The following KIAA0586 variants were observed in gnomAD, a reference collection of about 807,000 sequenced individuals.
KIAA0586 encodes KIAA0586, also known as protein TALPID3.
KIAA0586 carries 144 observed loss-of-function variants against 169.8 expected under a neutral mutation model. The observed-to-expected ratio is 0.85, with a 90% confidence interval of 0.74 to 0.97. The LOEUF (loss-of-function observed/expected upper bound fraction) is 0.97, where lower values mean the gene tolerates loss of function less well. Among genes scored for constraint, KIAA0586 ranks in the 50% least tolerant of loss-of-function variants. KIAA0586 has a pLI of 0.00. For missense variants in KIAA0586, 1,854 were observed against 1,823.0 expected (o/e 1.02, Z -0.31); for synonymous variants, 625 against 612.4 (o/e 1.02, Z -0.30).
At chr14:58,481,518 G>A (rs933604105) in intron 20 of KIAA0586, among the ~76,000 whole-genome samples, 3 of 152,134 alleles carry the variant, frequency 2.0e-5, no homozygotes, top group Non-Finnish European at 4.4e-5. Context: ...TTCTTTTGTT[G>A]TAGTCAAGAT....
rs1222178512 is a variant in KIAA0586, at chr14:58,488,843, A to G, written c.3750A>G (p.Leu1250=). The G allele has an allele frequency of 2.5e-6, 4 of 1,613,768 alleles. No homozygotes were observed. The highest frequency in any genetic ancestry group is 1.3e-5 in the African/African-American group (1 of 74,926). ...AACCCATCTCTGAAGGAGAGATTTT[A>G]TTTAGCTGTGGTCAAAAATTGGCCC... ...LDKPISEGEI[L]FSCGQKLAPK... Residue 1250 remains leucine, a synonymous_variant, in exon 24 of 31, where the codon TTA becomes TTG. Transcript: ENST00000652326.
intron 29 of KIAA0586, among the ~76,000 whole-genome samples, chr14:58,513,849 T>A (rs370478271): frequency 3.2e-4 from 49 of 152,162 alleles, no homozygotes; most frequent in African/African-American, 1.2e-3. Flanking sequence ...TTCTTGAGGA[T>A]GTTGTATGTA....
chr14:58,491,473 T>C, intron 25 of KIAA0586, among the ~76,000 whole-genome samples: 1 of 152,218 alleles, frequency 6.6e-6, no homozygotes, highest in Non-Finnish European at 1.5e-5. Flanking sequence ...TAAATACAAA[T>C]ACTTTCAATG....
intron 21 of KIAA0586, among the ~76,000 whole-genome samples, chr14:58,486,782 T>TG (rs990172926): frequency 6.6e-6 from 1 of 152,190 alleles, no homozygotes; most frequent in Admixed American, 6.5e-5. Flanking sequence ...TAAAAGAGGG[T>TG]GCCTTAGAAT....
intron 29 of KIAA0586, chr14:58,521,909 T>A: frequency 7.3e-7 from 1 of 1,376,256 alleles, no homozygotes; most frequent in Non-Finnish European, 1.0e-6. Context: ...GATGACCAGC[T>A]GGAGTTGATC....
At chr14:58,540,197 A>G in intron 30 of KIAA0586, 61 bp downstream of exon 30, 1 of 905,434 alleles carries the variant, frequency 1.1e-6, no homozygotes, top group Admixed American at 2.4e-5. Context: ...TCATTTCCTG[A>G]TGATTCTTTC....
At position 58,521,857 on chromosome 14, in the gene KIAA0586, C is replaced by A. The variant is rs371781528; in HGVS notation, c.4429+9230C>A. 7.6e-6 allele frequency: 8 copies of A among 1,053,580 alleles called. 1 individual carries two copies. The highest frequency in any genetic ancestry group is 2.4e-5 in the East Asian group (1 of 42,044). 65.3% of individuals were successfully genotyped at this position (1,053,580 alleles called of 1,614,324 possible). ...TCGGAGCGGGGTGCAGATGACTTTGCTGAGGAGGACCTACTAGATGATGAT... is the reference window on the plus strand; with the variant it reads ...TCGGAGCGGGGTGCAGATGACTTTGATGAGGAGGACCTACTAGATGATGAT... On this transcript the variant is annotated intron_variant, in intron 29 of 30. Transcript: ENST00000652326.
chr14:58,529,011 G>T (rs995356529), intron 29 of KIAA0586, among the ~76,000 whole-genome samples: 13 of 152,106 alleles, frequency 8.5e-5, no homozygotes, highest in African/African-American at 3.1e-4. Flanking sequence ...AATAAAAAAT[G>T]ATAAAGGGGA....
At chr14:58,459,404 A>C (rs1199535618) in intron 12 of KIAA0586, among the ~76,000 whole-genome samples, 11 of 152,192 alleles carry the variant, frequency 7.2e-5, no homozygotes. Flanking sequence ...ACTCTTTTGC[A>C]ATGAATCCCA....
intron 15 of KIAA0586, 22 bp from the exon 16 acceptor site, chr14:58,467,713 T>G: frequency 6.4e-7 from 1 of 1,566,222 alleles, no homozygotes; most frequent in South Asian, 1.2e-5. Context: ...AGTTGACTTA[T>G]TTTTTCTCCT....
At chr14:58,487,728 A>C (rs999261857) in intron 22 of KIAA0586, among the ~76,000 whole-genome samples, 159 bp from the exon 23 acceptor site, 1 of 152,150 alleles carries the variant, frequency 6.6e-6, no homozygotes, top group African/African-American at 2.4e-5. Context: ...GAATTATCAC[A>C]TTAATGGCTA....
chr14:58,439,859 A>G (rs764761878), intron 4 of KIAA0586: 101 of 981,810 alleles, frequency 1.0e-4, no homozygotes, highest in Non-Finnish European at 1.1e-4. Context: ...ATTCCTGCCA[A>G]TTTTACTTAG....
At position 58,435,846 on chromosome 14, in the gene KIAA0586, T is replaced by C. The variant is rs148408993; in HGVS notation, c.410+3389T>C. On this transcript the variant is annotated intron_variant, in intron 4 of 30. Transcript: ENST00000652326. ...CCTCAGCCTCCTGAGTAACTGGGAT[T>C]ACAGGCATGTGCCACCATGCCCGGC... Among the ~76,000 whole-genome samples the C allele has an allele frequency of 1.5e-3, 232 of 152,282 alleles. 5 individuals are homozygous for C. The East Asian group carries it at 0.035, about 23-fold the overall frequency.
chr14:58,486,187 A>T (rs373563277), intron 21 of KIAA0586, among the ~76,000 whole-genome samples: 1 of 152,128 alleles, frequency 6.6e-6, no homozygotes. Context: ...TCACTTATAA[A>T]TGAGAACATG....
chr14:58,521,917 A>T, intron 29 of KIAA0586: 1 of 1,384,030 alleles, frequency 7.2e-7, no homozygotes, highest in East Asian at 2.3e-5. Context: ...GCTGGAGTTG[A>T]TCAAGGATGA....
At chr14:58,484,888 A>ATT (rs1201064638) in intron 21 of KIAA0586, among the ~76,000 whole-genome samples, 366 of 18,464 alleles carry the variant, frequency 0.02, 7 homozygotes, top group South Asian at 0.034. Flanking sequence ...TTATATATAT[A>ATT]TTTATATATA....
intron 29 of KIAA0586, among the ~76,000 whole-genome samples, chr14:58,516,369 G>A (rs2044753977): frequency 6.6e-6 from 1 of 152,026 alleles, no homozygotes; most frequent in Non-Finnish European, 1.5e-5. Flanking sequence ...TTATTTCCAG[G>A]GTATAGGTGA....
intron 29 of KIAA0586, among the ~76,000 whole-genome samples, chr14:58,533,099 A>G (rs2046082622): frequency 6.6e-6 from 1 of 152,230 alleles, no homozygotes; most frequent in Non-Finnish European, 1.5e-5. Flanking sequence ...AAAACAATTT[A>G]TGTAGAAATA....
At chr14:58,513,922 AG>A in intron 29 of KIAA0586, among the ~76,000 whole-genome samples, 1 of 152,220 alleles carries the variant, frequency 6.6e-6, no homozygotes, top group African/African-American at 2.4e-5. Flanking sequence ...AGCTGGTAGA[AG>A]GAAGTTTTAT....
Sources: allele counts gnomAD v4.1 joint callset (sites outside exome capture counted in the v4.1 genomes callset), GRCh38; gene constraint gnomAD v4.1.1; transcripts MANE v1.5; gene names NCBI Gene and HGNC (gene_info 2026-07-23, HGNC 2026-07-21).